DHRSX: variants seen among roughly 807,000 people sequenced by gnomAD.
DHRSX encodes dehydrogenase/reductase X-linked.
DHRSX carries 31 observed loss-of-function variants against 34.0 expected under a neutral mutation model. The observed-to-expected ratio is 0.91, with a 90% confidence interval of 0.69 to 1.23. The LOEUF (loss-of-function observed/expected upper bound fraction) is 1.23. Ranked by LOEUF, DHRSX falls within the 50% of genes most tolerant of loss-of-function variation. The pLI is 0.00. For missense variants in DHRSX, 414 were observed against 428.1 expected (o/e 0.97, Z 0.29); for synonymous variants, 201 against 183.8 (o/e 1.09, Z -0.76).
chrX:2,492,006 A>C (rs1383265615), intron 1 of DHRSX, among the ~76,000 whole-genome samples: 1 of 152,218 alleles, frequency 6.6e-6, no homozygotes, highest in Admixed American at 6.5e-5. Flanking sequence ...CCAAGTGTCC[A>C]GTACAGTGCT....
At chrX:2,459,560 A>G (rs752007001) in intron 1 of DHRSX, among the ~76,000 whole-genome samples, 25 of 140,876 alleles carry the variant, frequency 1.8e-4, no homozygotes, top group East Asian at 4.0e-4. Flanking sequence ...GTATATATAT[A>G]TATATATATA....
At position 2,454,133 on chromosome X, in the gene DHRSX, T is replaced by C. The variant is rs1161827370; in HGVS notation, c.110-28829A>G. ...CCCAGTTTCGAGGACAGCTGTGATA[T>C]ATTTAACAGTGTCTCCTCTTAATTC... On this transcript the variant is annotated intron_variant, in intron 1 of 6. Coordinates refer to ENST00000334651, the MANE Select transcript of DHRSX (RefSeq NM_145177.3). 5.9e-5 allele frequency among the ~76,000 whole-genome samples: 9 copies of C among 152,268 alleles called. 1 individual carries two copies. Among genetic ancestry groups the C allele is most frequent in the Admixed American group, 1.3e-4 (2 of 15,270 alleles).
intron 6 of DHRSX, among the ~76,000 whole-genome samples, chrX:2,231,647 C>T (rs950474271): frequency 9.5e-4 from 140 of 147,122 alleles, no homozygotes; most frequent in Non-Finnish European, 1.6e-3. Flanking sequence ...TCTCTTCTCT[C>T]TCTGCCTTTT....
In DHRSX at chrX:2,500,938, C is replaced by CGCG. The variant is rs2045413870; in HGVS notation, c.-16_-14dup. ...ACAATGGCGACATGGCTGCCCCGGC[C>CGCG]GCGCCGCCGCCGCTTCCGCGCCGCC... On this transcript the variant is annotated 5_prime_UTR_variant, in exon 1 of 7. Transcript: ENST00000334651. 9.5e-7 allele frequency: 1 copy of CGCG among 1,051,610 alleles called. No individual in the cohort carries two copies. The highest frequency in any genetic ancestry group is 1.1e-6 in the Non-Finnish European group (1 of 874,020). The allele number at this position is 1,051,610 out of a possible 1,614,324, so 65.1% of individuals were successfully genotyped here.
At chrX:2,446,945 G>A (rs1332572455) in intron 1 of DHRSX, among the ~76,000 whole-genome samples, 1 of 151,652 alleles carries the variant, frequency 6.6e-6, no homozygotes, top group Non-Finnish European at 1.5e-5. Context: ...ACGCACTGAA[G>A]CCATGTACGC....
chrX:2,429,478 T>C (rs5939298), intron 1 of DHRSX, among the ~76,000 whole-genome samples: 118,184 of 150,716 alleles, frequency 0.78, 47,373 homozygotes, highest in African/African-American at 0.95. Context: ...GCTGGGGTCT[T>C]ACTACATTGC....
intron 3 of DHRSX, among the ~76,000 whole-genome samples, chrX:2,329,906 A>C (rs2042435851): frequency 6.6e-6 from 1 of 151,774 alleles, no homozygotes; most frequent in South Asian, 2.1e-4. Context: ...CAGAGAAAAC[A>C]CTCTTGCTTA....
chrX:2,455,555 A>G (rs953283472), intron 1 of DHRSX, among the ~76,000 whole-genome samples: 2 of 151,950 alleles, frequency 1.3e-5, no homozygotes, highest in African/African-American at 4.8e-5. Context: ...CACCCTGACC[A>G]ACATGATGAA....
chrX:2,356,727 C>A (rs2042857905), intron 3 of DHRSX, among the ~76,000 whole-genome samples: 1 of 152,136 alleles, frequency 6.6e-6, no homozygotes, highest in South Asian at 2.1e-4. Flanking sequence ...AGGATGAAGA[C>A]CTCGGGGATG....
intron 3 of DHRSX, among the ~76,000 whole-genome samples, chrX:2,294,696 G>A (rs1212354724): frequency 1.3e-5 from 2 of 150,654 alleles, no homozygotes; most frequent in African/African-American, 4.9e-5. Flanking sequence ...AAGAGGCAAA[G>A]AGAGAGAGCG....
At chrX:2,397,585 A>G (rs928189199) in intron 3 of DHRSX, among the ~76,000 whole-genome samples, 3 of 151,488 alleles carry the variant, frequency 2.0e-5, no homozygotes, top group African/African-American at 7.3e-5. Flanking sequence ...AAAAAAAACA[A>G]CAGTAACACA....
chrX:2,414,741 C>A (rs1413515997), intron 2 of DHRSX, among the ~76,000 whole-genome samples: 1 of 151,878 alleles, frequency 6.6e-6, no homozygotes, highest in African/African-American at 2.4e-5. Context: ...CTCATTATGA[C>A]AACGAACTAG....
chrX:2,228,910 G>A (rs187359932), intron 6 of DHRSX, among the ~76,000 whole-genome samples: 6 of 152,222 alleles, frequency 3.9e-5, no homozygotes, highest in Admixed American at 3.3e-4. Context: ...CCTTGGGACG[G>A]ATCCCCTGTG....
chrX:2,328,090 A>AAAAAAAAAG (rs1422061354), intron 3 of DHRSX, among the ~76,000 whole-genome samples: 3 of 151,046 alleles, frequency 2.0e-5, no homozygotes, highest in Non-Finnish European at 4.4e-5. Context: ...AAAAAAAAAA[A>AAAAAAAAAG]GAGGAGGAGA....
intron 3 of DHRSX, among the ~76,000 whole-genome samples, chrX:2,383,389 G>A (rs1241078138): frequency 1.3e-5 from 2 of 148,370 alleles, no homozygotes; most frequent in Non-Finnish European, 3.0e-5. Flanking sequence ...CATCACCATC[G>A]TCATGATCAT....
At position 2,408,713 on chromosome X, in the gene DHRSX, C is replaced by CA. The variant is rs753279683; in HGVS notation, c.286+31dup. The stretch of plus-strand genomic sequence containing the variant: ...GACCTGTCCCAAGGAAAAAAAAAAA[C>CA]AAAAAAAAGCCATTGGAGTATCTCT... On this transcript the variant is annotated intron_variant, in intron 3 of 6. Coordinates refer to ENST00000334651, the MANE Select transcript of DHRSX (RefSeq NM_145177.3). 131 of 1,467,054 alleles carry CA rather than the reference C, an allele frequency of 8.9e-5. 1 individual carries two copies. Among genetic ancestry groups the CA allele is most frequent in the Admixed American group, 2.7e-4 (13 of 48,262 alleles). 90.9% of individuals were successfully genotyped at this position (1,467,054 alleles called of 1,614,324 possible). A position where few individuals can be genotyped will look rare whatever the true frequency, so the allele number is the denominator to read the frequency against.
chrX:2,375,834 T>C (rs2043134930), intron 3 of DHRSX, among the ~76,000 whole-genome samples: 2 of 136,550 alleles, frequency 1.5e-5, no homozygotes, highest in African/African-American at 2.5e-5. Context: ...GGTTTCACCA[T>C]GTTGGCCAAG....
At chrX:2,247,449 T>C (rs1197794035) in intron 5 of DHRSX, among the ~76,000 whole-genome samples, 1 of 151,304 alleles carries the variant, frequency 6.6e-6, no homozygotes, top group Admixed American at 6.6e-5. Context: ...GGTCAGGAGA[T>C]CGAGACCATC....
chrX:2,430,787 C>A (rs779133828), intron 1 of DHRSX, among the ~76,000 whole-genome samples: 1 of 150,808 alleles, frequency 6.6e-6, no homozygotes, highest in East Asian at 2.0e-4. Context: ...CCAAGGCAGG[C>A]AGATCGCTTG....
Sources: allele counts gnomAD v4.1 joint callset (sites outside exome capture counted in the v4.1 genomes callset), GRCh38; gene constraint gnomAD v4.1.1; transcripts MANE v1.5; gene names NCBI Gene and HGNC (gene_info 2026-07-23, HGNC 2026-07-21).